Variants in IMMP2L observed in about 807,000 individuals in gnomAD.
IMMP2L encodes mitochondrial inner membrane protease subunit 2.
IMMP2L carries 18 observed loss-of-function variants against 19.3 expected under a neutral mutation model. The ratio of observed to expected loss-of-function variants is 0.93; its 90% confidence interval spans 0.64 to 1.38. IMMP2L has a LOEUF of 1.38. Among genes scored for constraint, IMMP2L ranks in the 40% most tolerant of loss-of-function variants. IMMP2L has a pLI of 0.00. For missense variants in IMMP2L, 233 were observed against 218.2 expected (o/e 1.07, Z -0.43); for synonymous variants, 76 against 73.0 (o/e 1.04, Z -0.21).
intron 5 of IMMP2L, among the ~76,000 whole-genome samples, chr7:110,838,967 G>T (rs945799909): frequency 6.6e-6 from 1 of 151,892 alleles, no homozygotes; most frequent in African/African-American, 2.4e-5. Context: ...CAACACTTTA[G>T]ATCTAGTAGA....
At chr7:111,443,951 CA>C (rs1563198005) in intron 3 of IMMP2L, among the ~76,000 whole-genome samples, 2 of 152,020 alleles carry the variant, frequency 1.3e-5, no homozygotes, top group Non-Finnish European at 2.9e-5. Flanking sequence ...TGTGCATCTT[CA>C]CAGGGTATAT....
intron 3 of IMMP2L, among the ~76,000 whole-genome samples, chr7:111,085,767 A>T (rs1796264197): frequency 6.6e-6 from 1 of 152,228 alleles, no homozygotes; most frequent in Non-Finnish European, 1.5e-5. Context: ...TGGATAAAGA[A>T]AATGTGGTAC....
chr7:110,791,482 C>T (rs536288055), intron 5 of IMMP2L, among the ~76,000 whole-genome samples: 1 of 150,128 alleles, frequency 6.7e-6, no homozygotes, highest in Non-Finnish European at 1.5e-5. Context: ...GATAATTATT[C>T]TGACATACAT....
chr7:111,109,805 A>C (rs1798981019), intron 3 of IMMP2L, among the ~76,000 whole-genome samples: 1 of 152,158 alleles, frequency 6.6e-6, no homozygotes, highest in Non-Finnish European at 1.5e-5. Flanking sequence ...CTATTGTTAT[A>C]TGATGGAAAA....
intron 4 of IMMP2L, among the ~76,000 whole-genome samples, chr7:110,948,143 AT>A (rs1467276375): frequency 2.0e-5 from 3 of 152,208 alleles, no homozygotes; most frequent in African/African-American, 7.2e-5. Flanking sequence ...TCAGACTCTC[AT>A]GCAAGATTAC....
intron 3 of IMMP2L, among the ~76,000 whole-genome samples, chr7:111,118,480 C>T (rs1237159743): frequency 1.3e-5 from 2 of 151,978 alleles, no homozygotes; most frequent in Non-Finnish European, 2.9e-5. Context: ...TTGATTTTAA[C>T]GGCCTAAACT....
rs147379397 is a variant in IMMP2L, at chr7:111,286,755, C to G, written c.239+200483G>C. 3.4e-3 allele frequency among the ~76,000 whole-genome samples: 513 copies of G among 152,092 alleles called. 5 individuals carry two copies. Among genetic ancestry groups the G allele is most frequent in the African/African-American group, 0.012 (491 of 41,500 alleles). On this transcript the variant is annotated intron_variant, in intron 3 of 5. Transcript: ENST00000405709. ...AAAACAGCAGCATGTGGAGAGTACC[C>G]CACTCCTAAGCAAAGGAAGGCCATG...
chr7:110,987,249 C>A (rs1216842334), intron 3 of IMMP2L, among the ~76,000 whole-genome samples: 1 of 152,054 alleles, frequency 6.6e-6, no homozygotes, highest in Non-Finnish European at 1.5e-5. Context: ...TAGTTGAATT[C>A]TCACAAATGC....
At chr7:110,932,468 CT>C (rs1388893656) in intron 4 of IMMP2L, among the ~76,000 whole-genome samples, 4 of 152,110 alleles carry the variant, frequency 2.6e-5, no homozygotes, top group Admixed American at 6.5e-5. Flanking sequence ...ATTCTCCTGC[CT>C]CAGCCTCCTG....
At chr7:111,280,199 C>T (rs1819537310) in intron 3 of IMMP2L, among the ~76,000 whole-genome samples, 1 of 152,176 alleles carries the variant, frequency 6.6e-6, no homozygotes, top group African/African-American at 2.4e-5. Flanking sequence ...TTAGCTGTCA[C>T]AGCCTCCTTT....
At chr7:111,403,447 G>GTATA (rs111864985) in intron 3 of IMMP2L, among the ~76,000 whole-genome samples, 1,697 of 146,616 alleles carry the variant, frequency 0.012, 27 homozygotes, top group East Asian at 0.058. Flanking sequence ...TACAGCCCAG[G>GTATA]TATATATATA....
At chr7:111,454,065 A>G (rs1839465530) in intron 3 of IMMP2L, among the ~76,000 whole-genome samples, 1 of 152,198 alleles carries the variant, frequency 6.6e-6, no homozygotes, top group Non-Finnish European at 1.5e-5. Flanking sequence ...TCATCAAAGC[A>G]TTGTGAGACA....
At chr7:111,399,202 G>A (rs909414238) in intron 3 of IMMP2L, among the ~76,000 whole-genome samples, 1 of 152,056 alleles carries the variant, frequency 6.6e-6, no homozygotes, top group African/African-American at 2.4e-5. Context: ...GAACAAATCT[G>A]GAGGCATCAC....
At chr7:111,238,741 A>C (rs1231259732) in intron 3 of IMMP2L, among the ~76,000 whole-genome samples, 1 of 151,972 alleles carries the variant, frequency 6.6e-6, no homozygotes, top group East Asian at 1.9e-4. Context: ...AATAGTTCTA[A>C]TATTTTTTGA....
At chr7:111,506,686 C>T (rs573727546) in intron 2 of IMMP2L, among the ~76,000 whole-genome samples, 1 of 152,292 alleles carries the variant, frequency 6.6e-6, no homozygotes, top group Admixed American at 6.5e-5. Context: ...TGAGCCACCA[C>T]GCCCGACCCT....
In IMMP2L at chr7:111,222,282, G is replaced by A. The variant is rs551359694; in HGVS notation, c.240-258717C>T. Among the ~76,000 whole-genome samples, 59 of 151,658 alleles carry A rather than the reference G, an allele frequency of 3.9e-4. 1 individual carries two copies. Among genetic ancestry groups the A allele is most frequent in the African/African-American group, 1.2e-3 (50 of 41,392 alleles). On this transcript the variant is annotated intron_variant, in intron 3 of 5. Coordinates refer to ENST00000405709, the MANE Select transcript of IMMP2L (RefSeq NM_032549.4). Reference sequence around the variant, plus strand: ...ATATATCTTTATAACACAAGAGTAAGAAAATTCCTAAACAAGAAAAATACC... The same window carrying A: ...ATATATCTTTATAACACAAGAGTAAAAAAATTCCTAAACAAGAAAAATACC...
chr7:111,238,066 ATT>A (rs1444430884), intron 3 of IMMP2L, among the ~76,000 whole-genome samples: 9 of 152,062 alleles, frequency 5.9e-5, no homozygotes, highest in Non-Finnish European at 1.3e-4. Context: ...CCAAAGCTGC[ATT>A]GTCTTATATC....
In IMMP2L at chr7:111,112,206, C is replaced by T. The variant is rs767717658; in HGVS notation, c.240-148641G>A. 9.2e-5 allele frequency among the ~76,000 whole-genome samples: 14 copies of T among 151,902 alleles called. No individual in the cohort carries two copies. The East Asian group carries it at 1.7e-3, about 19-fold the overall frequency. ...TTGAACTCCTGACCTCAGGTATATC[C>T]GCCTGACTTCGCCTCCCAAAGTGCT... On this transcript the variant is annotated intron_variant, in intron 3 of 5. Coordinates refer to ENST00000405709, the MANE Select transcript of IMMP2L (RefSeq NM_032549.4).
At chr7:111,028,680 C>T (rs1396980196) in intron 3 of IMMP2L, among the ~76,000 whole-genome samples, 4 of 152,112 alleles carry the variant, frequency 2.6e-5, no homozygotes, top group Admixed American at 6.6e-5. Flanking sequence ...ATTTCCCTAA[C>T]AGTTTCTAGA....
Sources: allele counts gnomAD v4.1 joint callset (sites outside exome capture counted in the v4.1 genomes callset), GRCh38; gene constraint gnomAD v4.1.1; transcripts MANE v1.5; gene names NCBI Gene and HGNC (gene_info 2026-07-23, HGNC 2026-07-21).